Variants in HSF2 observed in about 807,000 individuals in gnomAD.
The protein encoded by HSF2 is heat shock factor protein 2.
In HSF2, 21 loss-of-function variants were observed where a neutral mutation model predicts 65.0. That is an observed-to-expected ratio of 0.32 (90% CI 0.23 to 0.47). The LOEUF (loss-of-function observed/expected upper bound fraction) is 0.47, where lower values mean the gene tolerates loss of function less well. HSF2 is among the 20% of genes least tolerant of loss of function. The pLI is 1.00. For synonymous variants in HSF2, 225 were observed against 219.1 expected (o/e 1.03, Z -0.24); for missense variants, 499 against 628.1 (o/e 0.79, Z 2.20).
At position 122,420,187 on chromosome 6, in the gene HSF2, A is replaced by C. The variant is rs1774202322; in HGVS notation, c.646A>C (p.Ile216Leu). Reference sequence around the variant, plus strand: ...CCAAAAGAAGAACCTGTTTCAGCACATAGTCAAAGAACCAACTGATAATCA... The same window carrying C: ...CCAAAAGAAGAACCTGTTTCAGCACCTAGTCAAAGAACCAACTGATAATCA... The part of the protein sequence containing the change: ...GAQKKNLFQH[I>L]VKEPTDNHHH... The change falls in exon 7 of 13, where the codon ATA (isoleucine) becomes CTA (leucine). Residue 216 changes from isoleucine (I) to leucine (L), a missense_variant. Ile to Leu is a conservative substitution (Grantham distance 5). Around this residue, in one of 2 missense-constraint regions of HSF2, gnomAD observed 349 missense variants for 393.5 expected, o/e 0.89. Transcript: ENST00000368455. 2.5e-6 allele frequency: 4 copies of C among 1,606,766 alleles called. No individual in the cohort carries two copies. Among genetic ancestry groups the C allele is most frequent in the Non-Finnish European group, 3.4e-6 (4 of 1,174,360 alleles).
intron 5 of HSF2, among the ~76,000 whole-genome samples, chr6:122,417,180 G>A (rs1431264784): frequency 6.6e-6 from 1 of 151,710 alleles, no homozygotes; most frequent in Non-Finnish European, 1.5e-5. Flanking sequence ...TGCAAGTGAA[G>A]GTTGAATGTA....
At chr6:122,406,544 G>A (rs1773871380) in intron 1 of HSF2, among the ~76,000 whole-genome samples, 1 of 152,146 alleles carries the variant, frequency 6.6e-6, no homozygotes, top group Admixed American at 6.6e-5. Context: ...AATATTGATG[G>A]CTGAGACTAA....
chr6:122,421,431 A>G (rs1293377699), intron 7 of HSF2, among the ~76,000 whole-genome samples: 2 of 126,490 alleles, frequency 1.6e-5, no homozygotes, highest in Non-Finnish European at 3.5e-5. Flanking sequence ...TTAGGATTGA[A>G]GGCTCATGTA....
chr6:122,420,700 CT>C (rs59305295), intron 7 of HSF2, among the ~76,000 whole-genome samples: 10 of 28,590 alleles, frequency 3.5e-4, no homozygotes, highest in Non-Finnish European at 4.3e-4. Flanking sequence ...TTATTCATTT[CT>C]TTTTTTTTTT....
intron 1 of HSF2, 127 bp downstream of exon 1, chr6:122,399,957 G>A (rs960997156): frequency 2.7e-5 from 20 of 738,838 alleles, no homozygotes; most frequent in Non-Finnish European, 4.3e-5. Context: ...GCGGGGCCTT[G>A]GCGTTCAGCC....
intron 1 of HSF2, among the ~76,000 whole-genome samples, chr6:122,410,912 GTTTT>G (rs1230708184): frequency 7.1e-6 from 1 of 139,998 alleles, no homozygotes; most frequent in Non-Finnish European, 1.6e-5. Flanking sequence ...TGCTTTTATG[GTTTT>G]TTTTGTTTTG....
At chr6:122,400,229 C>A (rs1333746440) in intron 1 of HSF2, among the ~76,000 whole-genome samples, 1 of 152,120 alleles carries the variant, frequency 6.6e-6, no homozygotes, top group Non-Finnish European at 1.5e-5. Context: ...GCGGAGGGGA[C>A]AGGGAGCCCA....
chr6:122,419,157 AT>A lies in HSF2; in HGVS notation c.532-4del, dbSNP rs748153321. 2.1e-5 allele frequency: 28 copies of A among 1,337,408 alleles called. No individual in the cohort carries two copies. The highest frequency in any genetic ancestry group is 2.6e-5 in the Non-Finnish European group (24 of 938,096). 82.8% of individuals were successfully genotyped at this position (1,337,408 alleles called of 1,614,324 possible). ...GTATAATGAAATAATTTTTGTTTAT[AT>A]TTTTTTCAGATTGTCCAGTTTATTG... On this transcript the variant is annotated splice_polypyrimidine_tract_variant and intron_variant, in intron 5 of 12. Transcript: ENST00000368455.
intron 4 of HSF2, among the ~76,000 whole-genome samples, chr6:122,415,842 C>T (rs985346033): frequency 1.7e-4 from 26 of 151,878 alleles, no homozygotes; most frequent in African/African-American, 5.3e-4. Context: ...GGCAAAACCC[C>T]GTTTCTACTA....
rs1196726878 is a variant in HSF2, at chr6:122,399,661, G to GAGCTGCTGCCGT, written c.-70_-59dup. ...CGCCTGCGTTGTGGGCGTTCTCGGG[G>GAGCTGCTGCCGT]AGCTGCTGCCGTAGCTGCCGCCGCC... On this transcript the variant is annotated 5_prime_UTR_variant, in exon 1 of 13. Coordinates refer to ENST00000368455, the MANE Select transcript of HSF2 (RefSeq NM_004506.4). The GAGCTGCTGCCGT allele has an allele frequency of 1.8e-6, 2 of 1,114,700 alleles. No individual in the cohort carries two copies. The highest frequency in any genetic ancestry group is 2.6e-6 in the Non-Finnish European group (2 of 757,022). 69.1% of individuals were successfully genotyped at this position (1,114,700 alleles called of 1,614,324 possible). A position where few individuals can be genotyped will look rare whatever the true frequency, so the allele number is the denominator to read the frequency against.
chr6:122,411,261 G>T (rs1297838440), intron 1 of HSF2, among the ~76,000 whole-genome samples: 2 of 151,836 alleles, frequency 1.3e-5, no homozygotes, highest in Admixed American at 1.3e-4. Flanking sequence ...CTTCTTTGAA[G>T]AAATATCTAC....
rs1417913874 is a variant in HSF2 at position 122,399,777 on chromosome 6, C to A, written c.40C>A (p.Leu14Met). 1.2e-6 allele frequency: 2 copies of A among 1,612,708 alleles called. No individual in the cohort carries two copies. Among genetic ancestry groups the A allele is most frequent in the South Asian group, 2.2e-5 (2 of 90,860 alleles). ...SSNVPAFLSK[L>M]WTLVEETHTN... ...GAACGTGCCGGCTTTCCTCAGCAAG[C>A]TGTGGACGCTTGTGGAGGAAACCCA... The change falls in exon 1 of 13, where the codon CTG becomes ATG. Residue 14 changes from leucine to methionine, a missense_variant. Physicochemically the swap from Leu to Met is conservative, Grantham distance 15. This residue lies in a region of HSF2 where 150 missense variants were observed against 234.6 expected (regional missense o/e 0.64). Coordinates refer to ENST00000368455, the MANE Select transcript of HSF2 (RefSeq NM_004506.4).
At chr6:122,415,978 C>G (rs1774117350) in intron 4 of HSF2, among the ~76,000 whole-genome samples, 1 of 152,178 alleles carries the variant, frequency 6.6e-6, no homozygotes, top group African/African-American at 2.4e-5. Flanking sequence ...GATCGTACCA[C>G]TGCACTTCAG....
At position 122,432,462 on chromosome 6, in the gene HSF2, A is replaced by G. The variant is rs1435812406; in HGVS notation, c.*242A>G. 1 of 386,662 alleles carries G rather than the reference A, an allele frequency of 2.6e-6. No individual in the cohort carries two copies. The highest frequency in any genetic ancestry group is 2.1e-5 in the African/African-American group (1 of 47,940). 24.0% of individuals were successfully genotyped at this position (386,662 alleles called of 1,614,324 possible). ...TTGGCGTATCTTTAAGTTGGATTCA[A>G]ATGGCCATTTTTCTCCAATTTTGGT... On this transcript the variant is annotated 3_prime_UTR_variant, in exon 13 of 13. Coordinates refer to ENST00000368455, the MANE Select transcript of HSF2 (RefSeq NM_004506.4).
chr6:122,427,799 C>T (rs769043767), intron 10 of HSF2, 104 bp from the exon 11 acceptor site: 1 of 663,372 alleles, frequency 1.5e-6, no homozygotes, highest in Non-Finnish European at 2.5e-6. Context: ...CTTCCTAGTG[C>T]AGGGGCTACA....
At chr6:122,418,761 C>T (rs1392703353) in intron 5 of HSF2, among the ~76,000 whole-genome samples, 1 of 152,148 alleles carries the variant, frequency 6.6e-6, no homozygotes, top group South Asian at 2.1e-4. Flanking sequence ...CATGAGCCAC[C>T]ACGCCTGGCC....
intron 1 of HSF2, among the ~76,000 whole-genome samples, chr6:122,411,603 T>C (rs541552298): frequency 6.6e-6 from 1 of 152,084 alleles, no homozygotes; most frequent in African/African-American, 2.4e-5. Flanking sequence ...TTAGTTTTTA[T>C]ATATGTTATC....
At chr6:122,400,319 T>G (rs369087773) in intron 1 of HSF2, among the ~76,000 whole-genome samples, 230 of 152,318 alleles carry the variant, frequency 1.5e-3, no homozygotes, top group African/African-American at 5.2e-3. Flanking sequence ...CCCCCAACAT[T>G]GCTTTGCATC....
chr6:122,400,100 C>T (rs535848380), intron 1 of HSF2, among the ~76,000 whole-genome samples: 5 of 152,276 alleles, frequency 3.3e-5, no homozygotes, highest in African/African-American at 7.2e-5. Context: ...CCTTAACGGT[C>T]CGGTCCGCGT....
Sources: gnomAD v4.1 joint callset for allele counts (sites outside exome capture counted in the v4.1 genomes callset) on GRCh38, gnomAD v4.1.1 for gene constraint, gnomAD v4.1.1 regional missense constraint, MANE v1.5 for transcripts, NCBI Gene and HGNC (gene_info 2026-07-23, HGNC 2026-07-21) for gene names.